The following PYGL variants were observed in gnomAD, a reference collection of about 807,000 sequenced individuals.
The protein encoded by PYGL is glycogen phosphorylase, liver form.
In PYGL, 90 loss-of-function variants were observed where a neutral mutation model predicts 100.1. The ratio of observed to expected loss-of-function variants is 0.90; its 90% CI spans 0.76 to 1.07. PYGL has a LOEUF of 1.07. Ranked by LOEUF, PYGL falls within the 50% of genes least tolerant of loss-of-function variation. The pLI, the probability that PYGL is intolerant of heterozygous loss-of-function variation, is 0.00. For synonymous variants in PYGL, 373 were observed against 393.0 expected (o/e 0.95, Z 0.60); for missense variants, 1,016 against 1,057.6 (o/e 0.96, Z 0.55).
At chr14:50,939,040 A>C (rs1265599484) in intron 1 of PYGL, among the ~76,000 whole-genome samples, 1 of 152,040 alleles carries the variant, frequency 6.6e-6, no homozygotes, top group African/African-American at 2.4e-5. Context: ...TAATTTATTT[A>C]TTTATTGATG....
Position 50,931,729 on chromosome 14 carries a change from A to G in PYGL, c.472T>C (p.Tyr158His). The G allele has an allele frequency of 1.2e-6, 2 of 1,614,052 alleles. No individual in the cohort carries two copies. Among genetic ancestry groups the G allele is most frequent in the East Asian group, 2.2e-5 (1 of 44,872 alleles). Residue 158 changes from tyrosine to histidine, a missense_variant, in exon 4 of 20, where the codon TAC becomes CAC. Physicochemically the swap from Tyr to His is moderately conservative, Grantham distance 83. Transcript: ENST00000216392. ...MATLGLAAYGYGIRYEYGIFN... is the reference protein window; with the variant it reads ...MATLGLAAYGHGIRYEYGIFN... Reference sequence around the variant, plus strand: ...ATCCCATATTCATACCGAATGCCGTATCCATAGGCTGCAAGTCCCAGGGTT... The same window carrying G: ...ATCCCATATTCATACCGAATGCCGTGTCCATAGGCTGCAAGTCCCAGGGTT...
chr14:50,909,748 T>C, intron 17 of PYGL, 147 bp downstream of exon 17: 1 of 886,360 alleles, frequency 1.1e-6, no homozygotes, highest in Non-Finnish European at 1.9e-6. Context: ...GAGGCTCTCC[T>C]GCCTCATCGT....
In PYGL at chr14:50,924,069, C is replaced by T. The variant is rs2139182817; in HGVS notation, c.560G>A (p.Gly187Glu). 6.2e-7 allele frequency: 1 copy of T among 1,613,842 alleles called. No individual in the cohort carries two copies. The highest frequency in any genetic ancestry group is 8.5e-7 in the Non-Finnish European group (1 of 1,179,790). ...TGGGCGGGACTTCTCCCAAGGGTTT[C>T]CATATCTGAGCCAATCATCTGCTTC... ...VEEADDWLRY[G>E]NPWEKSRPEF... Residue 187 changes from glycine (G) to glutamate (E), a missense_variant, in exon 5 of 20, where the codon GGA becomes GAA. Physicochemically the swap from Gly to Glu is moderately conservative, Grantham distance 98. Transcript: ENST00000216392.
At chr14:50,926,533 C>T (rs992508222) in intron 4 of PYGL, among the ~76,000 whole-genome samples, 4 of 151,344 alleles carry the variant, frequency 2.6e-5, no homozygotes, top group African/African-American at 9.7e-5. Context: ...TGAGACCAGC[C>T]TGGCCAACAT....
chr14:50,916,855 T>C, intron 8 of PYGL, 107 bp downstream of exon 8: 1 of 1,551,456 alleles, frequency 6.4e-7, no homozygotes, highest in Non-Finnish European at 8.9e-7. Flanking sequence ...TGATGCACAC[T>C]ATTCCTGCTC....
At chr14:50,914,978 A>T (rs1246229553) in intron 11 of PYGL, among the ~76,000 whole-genome samples, 163 bp from the exon 12 acceptor site, 1 of 152,242 alleles carries the variant, frequency 6.6e-6, no homozygotes, top group African/African-American at 2.4e-5. Context: ...TCATTTAAAT[A>T]GAAATTCATT....
intron 16 of PYGL, among the ~76,000 whole-genome samples, chr14:50,910,858 A>G (rs2050389232): frequency 6.6e-6 from 1 of 152,186 alleles, no homozygotes; most frequent in Non-Finnish European, 1.5e-5. Flanking sequence ...CTGACCTTTC[A>G]GGCTGATTTG....
At chr14:50,924,886 C>CA (rs2050533117) in intron 4 of PYGL, among the ~76,000 whole-genome samples, 1 of 152,112 alleles carries the variant, frequency 6.6e-6, no homozygotes, top group South Asian at 2.1e-4. Context: ...TCATTTGCAA[C>CA]AAACAAACAA....
At chr14:50,913,284 AAG>A (rs2050416566) in intron 12 of PYGL, 154 bp from the exon 13 acceptor site, 1 of 673,372 alleles carries the variant, frequency 1.5e-6, no homozygotes, top group South Asian at 1.6e-5. Flanking sequence ...AGAGTCTATA[AAG>A]TCTATGTGAG....
chr14:50,907,465 C>T (rs549146869), intron 19 of PYGL, among the ~76,000 whole-genome samples: 5 of 152,158 alleles, frequency 3.3e-5, no homozygotes, highest in East Asian at 1.9e-4. Flanking sequence ...TCTCTCAGTG[C>T]GGGGGCTGGC....
At chr14:50,923,705 AAAAAG>A in intron 5 of PYGL, 2 of 296,544 alleles carry the variant, frequency 6.7e-6, no homozygotes, top group Non-Finnish European at 1.3e-5. Context: ...AAAAAAAAAA[AAAAAG>A]AACTGACAAT....
intron 6 of PYGL, 128 bp from the exon 7 acceptor site, chr14:50,920,751 T>C (rs1420945786): frequency 1.8e-6 from 2 of 1,121,590 alleles, no homozygotes; most frequent in Non-Finnish European, 2.7e-6. Context: ...CCAAAGGATT[T>C]CAACACACCG....
At chr14:50,923,707 AAAG>A in intron 5 of PYGL, 4 of 294,334 alleles carry the variant, frequency 1.4e-5, no homozygotes, top group Non-Finnish European at 2.6e-5. Flanking sequence ...AAAAAAAAAA[AAAG>A]AACTGACAAT....
intron 7 of PYGL, among the ~76,000 whole-genome samples, chr14:50,917,517 G>A (rs2050464569): frequency 6.6e-6 from 1 of 152,208 alleles, no homozygotes. Flanking sequence ...GGGAAGCAGG[G>A]AAGAAGTGAA....
In PYGL at chr14:50,924,062, AG is replaced by A. The variant is rs1566507531; in HGVS notation, c.566del (p.Pro189LeufsTer19). 1 of 1,613,880 alleles carries A rather than the reference AG, an allele frequency of 6.2e-7. No homozygotes were observed. The highest frequency in any genetic ancestry group is 1.1e-5 in the South Asian group (1 of 91,080). On this transcript the variant is annotated frameshift_variant, in exon 5 of 20. Transcript: ENST00000216392. LOFTEE classifies it high-confidence loss of function. ...TGAATTCTGGGCGGGACTTCTCCCAAGGGTTTCCATATCTGAGCCAATCATC... is the reference window on the plus strand; with the variant it reads ...TGAATTCTGGGCGGGACTTCTCCCAAGGTTTCCATATCTGAGCCAATCATC... ...EADDWLRYGNPWEKSRPEFML... is the reference protein window; with the variant it reads ...EADDWLRYGNXWEKSRPEFML...
At chr14:50,914,286 C>G (rs1313275650) in intron 12 of PYGL, among the ~76,000 whole-genome samples, 2 of 152,110 alleles carry the variant, frequency 1.3e-5, no homozygotes, top group Non-Finnish European at 2.9e-5. Context: ...AACCTGAGGT[C>G]AGGAGTTCAA....
chr14:50,931,066 A>T (rs1213298077), intron 4 of PYGL, among the ~76,000 whole-genome samples: 1 of 152,148 alleles, frequency 6.6e-6, no homozygotes, highest in Non-Finnish European at 1.5e-5. Flanking sequence ...TTGCTATAAC[A>T]GTTAACAACA....
intron 5 of PYGL, chr14:50,923,100 C>T (rs1458718533): frequency 6.6e-6 from 1 of 152,206 alleles, no homozygotes; most frequent in Non-Finnish European, 1.5e-5. Flanking sequence ...CTTATATTAC[C>T]TCTGCCCCCT....
At chr14:50,931,579 G>T in intron 4 of PYGL, 94 bp downstream of exon 4, 1 of 1,150,648 alleles carries the variant, frequency 8.7e-7, no homozygotes, top group Non-Finnish European at 1.3e-6. Flanking sequence ...AATTAGTACA[G>T]CTCTATGTTA....
Sources: gnomAD v4.1 joint callset for allele counts (sites outside exome capture counted in the v4.1 genomes callset) on GRCh38, gnomAD v4.1.1 for gene constraint, MANE v1.5 for transcripts, NCBI Gene and HGNC (gene_info 2026-07-23, HGNC 2026-07-21) for gene names.